Variants in AGTPBP1 observed in about 807,000 individuals in gnomAD.
The protein encoded by AGTPBP1 is cytosolic carboxypeptidase 1.
Under a neutral mutation model 143.9 loss-of-function variants are expected in AGTPBP1, and 70 were observed. That is an observed-to-expected ratio of 0.49 (90% CI 0.40 to 0.59). The LOEUF is 0.59. Ranked by LOEUF, AGTPBP1 falls within the 20% of genes least tolerant of loss-of-function variation. The pLI is 0.00. For synonymous variants in AGTPBP1, 463 were observed against 500.2 expected (o/e 0.93, Z 0.99); for missense variants, 1,229 against 1,464.5 (o/e 0.84, Z 2.62).
chr9:85,567,061 G>C (rs1827152859), intron 25 of AGTPBP1, among the ~76,000 whole-genome samples: 1 of 152,156 alleles, frequency 6.6e-6, no homozygotes, highest in African/African-American at 2.4e-5. Flanking sequence ...ACTTGTGCTG[G>C]AGCCCTGAGA....
At chr9:85,723,086 T>C (rs1381685629) in intron 1 of AGTPBP1, among the ~76,000 whole-genome samples, 1 of 152,124 alleles carries the variant, frequency 6.6e-6, no homozygotes, top group Admixed American at 6.5e-5. Flanking sequence ...GAGGTGTCTG[T>C]CAGCCCCTAC....
the AGTPBP1 span, among the ~76,000 whole-genome samples, chr9:85,754,153 G>A: frequency 4.6e-5 from 7 of 152,108 alleles, no homozygotes; most frequent in Admixed American, 1.3e-4. Flanking sequence ...TGAAATCCAC[G>A]TTCACTGGAC....
intron 2 of AGTPBP1, among the ~76,000 whole-genome samples, chr9:85,697,398 A>ACTTG (rs143421445): frequency 5.0e-5 from 5 of 99,826 alleles, no homozygotes; most frequent in Admixed American, 3.7e-4. Flanking sequence ...TTTTTAAATG[A>ACTTG]ATTAATATTT....
intron 13 of AGTPBP1, among the ~76,000 whole-genome samples, chr9:85,637,135 G>A (rs903142426): frequency 1.1e-4 from 16 of 150,230 alleles, no homozygotes; most frequent in African/African-American, 2.4e-4. Context: ...TCCAGCTCCC[G>A]GGATTAAGCG....
chr9:85,692,752 G>A lies in AGTPBP1; in HGVS notation c.94C>T (p.Pro32Ser). 1 of 1,613,948 alleles carries A rather than the reference G, an allele frequency of 6.2e-7. No individual in the cohort carries two copies. The highest frequency in any genetic ancestry group is 8.5e-7 in the Non-Finnish European group (1 of 1,179,896). ...TATCGGGCAGTGTCTGATTCTGAAG[G>A]CTCAGCATTGATCTTCTCCAGTTGA... ...LAQLEKINAE[P>S]SESDTARYVT... The change falls in exon 3 of 26, where the codon CCT becomes TCT. Residue 32 changes from proline to serine, a missense_variant. Around this residue, in one of 2 missense-constraint regions of AGTPBP1, gnomAD observed 743 missense variants for 812.2 expected, o/e 0.91. Coordinates refer to ENST00000357081, the MANE Select transcript of AGTPBP1 (RefSeq NM_001330701.2).
At chr9:85,678,252 G>C in intron 5 of AGTPBP1, 83 bp downstream of exon 5, 1 of 913,430 alleles carries the variant, frequency 1.1e-6, no homozygotes, top group Non-Finnish European at 1.7e-6. Context: ...TAAGAGTATC[G>C]GAAAATTCCA....
intron 9 of AGTPBP1, 134 bp from the exon 10 acceptor site, chr9:85,657,777 A>G (rs895867306): frequency 1.8e-6 from 1 of 570,664 alleles, no homozygotes; most frequent in South Asian, 3.9e-5. Context: ...AATGACAAGC[A>G]CATATTTATA....
chr9:85,550,384 C>G (rs1349528867), intron 25 of AGTPBP1, among the ~76,000 whole-genome samples: 4 of 152,162 alleles, frequency 2.6e-5, no homozygotes, highest in African/African-American at 9.7e-5. Context: ...CACTGTGCTT[C>G]CTGGTGGTGA....
intron 1 of AGTPBP1, among the ~76,000 whole-genome samples, chr9:85,721,161 T>A (rs879906735): frequency 3.9e-5 from 6 of 152,234 alleles, no homozygotes; most frequent in Non-Finnish European, 8.8e-5. Context: ...GGATAGAGAG[T>A]TCTGTAGATG....
intron 24 of AGTPBP1, among the ~76,000 whole-genome samples, chr9:85,576,828 G>A (rs544309582): frequency 2.6e-5 from 4 of 152,170 alleles, no homozygotes; most frequent in Non-Finnish European, 5.9e-5. Flanking sequence ...TATATGTTAT[G>A]ATCAAAACCT....
the AGTPBP1 span, among the ~76,000 whole-genome samples, chr9:85,803,923 C>T: frequency 6.6e-6 from 1 of 152,168 alleles, no homozygotes; most frequent in Non-Finnish European, 1.5e-5. Context: ...TGATTTCTCT[C>T]TTCCTACCCA....
intron 25 of AGTPBP1, among the ~76,000 whole-genome samples, chr9:85,549,797 C>A (rs1341619117): frequency 6.6e-6 from 1 of 152,182 alleles, no homozygotes; most frequent in Non-Finnish European, 1.5e-5. Flanking sequence ...AGCATCTTCA[C>A]AAGAAATGCT....
At chr9:85,732,023 G>A (rs1838916301) in intron 1 of AGTPBP1, among the ~76,000 whole-genome samples, 2 of 152,242 alleles carry the variant, frequency 1.3e-5, no homozygotes, top group East Asian at 3.9e-4. Context: ...GGTTTGAAGA[G>A]CAGAATCTCA....
At position 85,689,667 on chromosome 9, in the gene AGTPBP1, G is replaced by A. The variant is rs920405549; in HGVS notation, c.157+3022C>T. On this transcript the variant is annotated intron_variant, in intron 3 of 25. Coordinates refer to ENST00000357081, the MANE Select transcript of AGTPBP1 (RefSeq NM_001330701.2). ...CCCAGCACTGTGGGAGGCCGAGACCGGCAGATCGCCTGAGGTCAAGAGTTT... is the reference window on the plus strand; with the variant it reads ...CCCAGCACTGTGGGAGGCCGAGACCAGCAGATCGCCTGAGGTCAAGAGTTT... Among the ~76,000 whole-genome samples, 8 of 151,778 alleles carry A rather than the reference G, an allele frequency of 5.3e-5. No individual in the cohort carries two copies. The East Asian group carries it at 7.7e-4, about 15-fold the overall frequency.
chr9:85,678,667 T>A lies in AGTPBP1; in HGVS notation c.226-269A>T, dbSNP rs533721356. 3.9e-5 allele frequency among the ~76,000 whole-genome samples: 6 copies of A among 152,298 alleles called. No individual in the cohort carries two copies. In the South Asian group the frequency reaches 1.0e-3, roughly 26 times the overall value. On this transcript the variant is annotated intron_variant, in intron 4 of 25. Coordinates refer to ENST00000357081, the MANE Select transcript of AGTPBP1 (RefSeq NM_001330701.2). ...ATTCCTCATCTTTCTACCAAATAGA[T>A]AATAAAAGTAAATGAATCAAAATGT...
intron 1 of AGTPBP1, among the ~76,000 whole-genome samples, chr9:85,727,044 A>G (rs1301782560): frequency 6.6e-6 from 1 of 152,192 alleles, no homozygotes; most frequent in East Asian, 1.9e-4. Context: ...GTGCTCCAAA[A>G]TTCGGCCGGG....
At chr9:85,574,893 G>T (rs1249713526) in intron 25 of AGTPBP1, among the ~76,000 whole-genome samples, 1 of 152,074 alleles carries the variant, frequency 6.6e-6, no homozygotes, top group East Asian at 1.9e-4. Flanking sequence ...ATTTTTAGGA[G>T]AGATGGGGTT....
chr9:85,737,875 C>T (rs1823908353), intron 1 of AGTPBP1, among the ~76,000 whole-genome samples: 1 of 152,120 alleles, frequency 6.6e-6, no homozygotes, highest in Admixed American at 6.5e-5. Context: ...CCCGGCCTCC[C>T]CACCCTGTTT....
At chr9:85,748,366 T>C in the AGTPBP1 span, among the ~76,000 whole-genome samples, 1 of 152,224 alleles carries the variant, frequency 6.6e-6, no homozygotes, top group African/African-American at 2.4e-5. Context: ...GAGTTCCTCA[T>C]GGCTCTGGTC....
Sources: gnomAD v4.1 joint callset for allele counts (sites outside exome capture counted in the v4.1 genomes callset) on GRCh38, gnomAD v4.1.1 for gene constraint, gnomAD v4.1.1 regional missense constraint, MANE v1.5 for transcripts, NCBI Gene and HGNC (gene_info 2026-07-23, HGNC 2026-07-21) for gene names.